ADAM12: variants seen among roughly 807,000 people sequenced by gnomAD.
ADAM12 encodes disintegrin and metalloproteinase domain-containing protein 12.
Under a neutral mutation model 106.4 loss-of-function variants are expected in ADAM12, and 70 were observed. The ratio of observed to expected loss-of-function variants is 0.66; its 90% CI spans 0.54 to 0.80. The LOEUF is 0.80. Ranked by LOEUF, ADAM12 falls within the 30% of genes least tolerant of loss-of-function variation. The pLI, the probability that ADAM12 is intolerant of heterozygous loss-of-function variation, is 0.00. For missense variants in ADAM12, 1,010 were observed against 1,171.9 expected (o/e 0.86, Z 2.02); for synonymous variants, 420 against 433.5 (o/e 0.97, Z 0.39).
At chr10:126,097,686 TTTTCAGAG>T (rs951359809) in intron 10 of ADAM12, among the ~76,000 whole-genome samples, 1 of 152,138 alleles carries the variant, frequency 6.6e-6, no homozygotes, top group African/African-American at 2.4e-5. Context: ...AGACACTAAA[TTTTCAGAG>T]CAGGGACAGC....
intron 3 of ADAM12, among the ~76,000 whole-genome samples, chr10:126,278,263 T>C (rs1039094274): frequency 1.3e-5 from 2 of 152,168 alleles, no homozygotes; most frequent in East Asian, 1.9e-4. Flanking sequence ...ATCTGAGGAA[T>C]CTGTGGGGAT....
intron 3 of ADAM12, among the ~76,000 whole-genome samples, chr10:126,156,045 A>C (rs1417524623): frequency 6.6e-6 from 1 of 152,230 alleles, no homozygotes; most frequent in Non-Finnish European, 1.5e-5. Context: ...CCAATGTCTT[A>C]CATAACATGC....
chr10:126,275,055 T>A (rs1959211492), intron 3 of ADAM12, among the ~76,000 whole-genome samples: 1 of 152,192 alleles, frequency 6.6e-6, no homozygotes, highest in Admixed American at 6.5e-5. Context: ...CAAACATAAA[T>A]TCAATGGGCT....
At chr10:126,063,307 G>A (rs1430720414) in intron 14 of ADAM12, among the ~76,000 whole-genome samples, 1 of 152,190 alleles carries the variant, frequency 6.6e-6, no homozygotes, top group African/African-American at 2.4e-5. Flanking sequence ...AAAGCTCCAA[G>A]TACAGAGGAC....
rs1953659170 is a variant in ADAM12 at position 126,016,230 on chromosome 10, C to G, written c.*1049G>C. 6.6e-6 allele frequency: 1 copy of G among 152,072 alleles called. No homozygotes were observed. Among genetic ancestry groups the G allele is most frequent in the Non-Finnish European group, 1.5e-5 (1 of 68,024 alleles). The allele number at this position is 152,072 out of a possible 1,614,324, so 9.4% of individuals were successfully genotyped here. ...GTTTTTGCAAGCATAAAGAGTCTGC[C>G]TAATTGTTAATAAGTTGAACCTTGC... On this transcript the variant is annotated 3_prime_UTR_variant, in exon 23 of 23. Coordinates refer to ENST00000448723, the MANE Select transcript of ADAM12 (RefSeq NM_001288973.2).
chr10:126,222,268 A>T (rs1223826496), intron 3 of ADAM12, among the ~76,000 whole-genome samples: 4 of 151,610 alleles, frequency 2.6e-5, no homozygotes, highest in South Asian at 2.1e-4. Context: ...TATTTCTATA[A>T]AAAAAAAGCA....
At chr10:126,324,080 G>C (rs924164395) in intron 2 of ADAM12, among the ~76,000 whole-genome samples, 2 of 152,212 alleles carry the variant, frequency 1.3e-5, no homozygotes, top group African/African-American at 4.8e-5. Context: ...CACTTAAGTT[G>C]CGTCTCTGCA....
At chr10:126,335,965 A>G (rs189142133) in intron 1 of ADAM12, among the ~76,000 whole-genome samples, 1 of 136,594 alleles carries the variant, frequency 7.3e-6, no homozygotes, top group Non-Finnish European at 1.6e-5. Flanking sequence ...AACTGTCAAC[A>G]TCATAAAAAA....
At chr10:126,201,666 G>T (rs1957703661) in intron 3 of ADAM12, among the ~76,000 whole-genome samples, 1 of 152,142 alleles carries the variant, frequency 6.6e-6, no homozygotes, top group African/African-American at 2.4e-5. Context: ...GGGAAGACAT[G>T]ATGTAGTCAC....
At chr10:126,260,191 G>A (rs1445679766) in intron 3 of ADAM12, among the ~76,000 whole-genome samples, 1 of 152,210 alleles carries the variant, frequency 6.6e-6, no homozygotes, top group Non-Finnish European at 1.5e-5. Flanking sequence ...CTTCAGATCT[G>A]TCCTGGGACA....
chr10:126,087,028 G>GT (rs11403964), intron 11 of ADAM12, among the ~76,000 whole-genome samples: 105,591 of 150,766 alleles, frequency 0.7, 37,464 homozygotes, highest in East Asian at 0.82. Context: ...GCGAGGCTCA[G>GT]CTCAAAAAAA....
intron 1 of ADAM12, among the ~76,000 whole-genome samples, chr10:126,340,220 T>C (rs150114426): frequency 1.3e-5 from 2 of 152,316 alleles, no homozygotes; most frequent in East Asian, 1.9e-4. Context: ...TAAGAATGGA[T>C]TGTATAAAGC....
intron 2 of ADAM12, among the ~76,000 whole-genome samples, chr10:126,305,204 G>C (rs1323589944): frequency 1.3e-5 from 2 of 152,034 alleles, no homozygotes; most frequent in African/African-American, 2.4e-5. Flanking sequence ...CTCAAAACTT[G>C]AATCAACCCA....
At chr10:126,353,893 A>G (rs2133890905) in intron 1 of ADAM12, among the ~76,000 whole-genome samples, 1 of 152,314 alleles carries the variant, frequency 6.6e-6, no homozygotes, top group South Asian at 2.1e-4. Flanking sequence ...CAGGGATAAT[A>G]CCCTTTTACA....
At chr10:126,240,191 T>C (rs542999454) in intron 3 of ADAM12, among the ~76,000 whole-genome samples, 1 of 152,352 alleles carries the variant, frequency 6.6e-6, no homozygotes, top group African/African-American at 2.4e-5. Flanking sequence ...CCACTCAGTG[T>C]GTACATAGCT....
At chr10:126,281,917 T>C (rs1959602329) in intron 2 of ADAM12, among the ~76,000 whole-genome samples, 1 of 152,228 alleles carries the variant, frequency 6.6e-6, no homozygotes, top group African/African-American at 2.4e-5. Flanking sequence ...TAAGTACAAT[T>C]TGAAAAACAA....
rs577865962 is a variant in ADAM12 at position 126,293,161 on chromosome 10, G to A, written c.187-14173C>T. Among the ~76,000 whole-genome samples, 5 of 152,336 alleles carry A rather than the reference G, an allele frequency of 3.3e-5. No individual in the cohort carries two copies. The South Asian group carries it at 8.3e-4, about 25-fold the overall frequency. ...GGGCGCCATCCAGTGCTGTCAATTT[G>A]ATTAAGTTGCTAACACCTAAGAGTC... On this transcript the variant is annotated intron_variant, in intron 2 of 22. Coordinates refer to ENST00000448723, the MANE Select transcript of ADAM12 (RefSeq NM_001288973.2).
intron 5 of ADAM12, among the ~76,000 whole-genome samples, chr10:126,122,273 C>G (rs1415319391): frequency 6.6e-6 from 1 of 152,182 alleles, no homozygotes; most frequent in Non-Finnish European, 1.5e-5. Context: ...TGCCTTCCCC[C>G]ACACTGGTGT....
At chr10:126,186,151 CTG>C (rs1287630570) in intron 3 of ADAM12, among the ~76,000 whole-genome samples, 1 of 152,178 alleles carries the variant, frequency 6.6e-6, no homozygotes, top group African/African-American at 2.4e-5. Context: ...AAACCCATCT[CTG>C]TGTCTTCCTT....
Sources: allele counts gnomAD v4.1 joint callset (sites outside exome capture counted in the v4.1 genomes callset), GRCh38; gene constraint gnomAD v4.1.1; transcripts MANE v1.5; gene names NCBI Gene and HGNC (gene_info 2026-07-23, HGNC 2026-07-21).